The following ATL2 variants were observed in gnomAD, a reference collection of about 807,000 sequenced individuals.
ATL2 encodes the protein atlastin GTPase 2, also known as atlastin-2.
ATL2 carries 31 observed loss-of-function variants against 73.9 expected under a neutral mutation model. The ratio of observed to expected loss-of-function variants is 0.42; its 90% confidence interval spans 0.32 to 0.57. The LOEUF (loss-of-function observed/expected upper bound fraction) is 0.57, where lower values mean the gene tolerates loss of function less well. Among genes scored for constraint, ATL2 ranks in the 20% least tolerant of loss-of-function variants. The pLI, the probability that ATL2 is intolerant of heterozygous loss-of-function variation, is 0.14. For synonymous variants in ATL2, 291 were observed against 237.5 expected (o/e 1.23, Z -2.07); for missense variants, 738 against 702.6 (o/e 1.05, Z -0.57).
chr2:38,305,337 C>A (rs977159669), intron 9 of ATL2, among the ~76,000 whole-genome samples: 2 of 152,162 alleles, frequency 1.3e-5, no homozygotes, highest in Non-Finnish European at 2.9e-5. Flanking sequence ...CACTTGACGT[C>A]AGGAGTTTGA....
chr2:38,304,236 G>A (rs1667336109), intron 9 of ATL2, among the ~76,000 whole-genome samples: 1 of 152,174 alleles, frequency 6.6e-6, no homozygotes, highest in Non-Finnish European at 1.5e-5. Context: ...CAGGCCAGGA[G>A]AGAGTAGCAT....
intron 1 of ATL2, among the ~76,000 whole-genome samples, chr2:38,361,400 TAC>T (rs1236426928): frequency 1.4e-5 from 2 of 144,256 alleles, no homozygotes; most frequent in African/African-American, 2.6e-5. Context: ...AGCTACAAAA[TAC>T]AGTCTGAACC....
In ATL2 at chr2:38,377,227, G is replaced by C. The variant is rs1210719691; in HGVS notation, c.34C>G (p.Gln12Glu). 1.9e-6 allele frequency: 3 copies of C among 1,603,904 alleles called. No homozygotes were observed. Among genetic ancestry groups the C allele is most frequent in the South Asian group, 1.1e-5 (1 of 89,590 alleles). Residue 12 changes from glutamine to glutamate, a missense_variant, in exon 1 of 13, where the codon CAA becomes GAA. Physicochemically the swap from Gln to Glu is conservative, Grantham distance 29. Transcript: ENST00000378954. ...CGGCGCCACAGCCCCTGGTGCGGTT[G>C]CTGCCCTCGCGCTGCCTCGTCCCCC... ...AEGDEAARGQ[Q>E]PHQGLWRRRR...
intron 2 of ATL2, among the ~76,000 whole-genome samples, chr2:38,327,621 T>G (rs1481995080): frequency 6.6e-6 from 1 of 150,420 alleles, no homozygotes; most frequent in Non-Finnish European, 1.5e-5. Context: ...ACTTTAGATG[T>G]GAATGACCTA....
intron 2 of ATL2, among the ~76,000 whole-genome samples, chr2:38,322,955 ATAATTTC>A (rs1192920203): frequency 6.6e-6 from 1 of 152,244 alleles, no homozygotes; most frequent in Admixed American, 6.5e-5. Flanking sequence ...GTAAAAGTGT[ATAATTTC>A]TCTAACATAG....
chr2:38,349,790 G>C (rs1450765193), intron 1 of ATL2, among the ~76,000 whole-genome samples: 1 of 152,062 alleles, frequency 6.6e-6, no homozygotes, highest in African/African-American at 2.4e-5. Flanking sequence ...TATTAGCACA[G>C]ACAAAGACAG....
chr2:38,335,089 T>A (rs1361681855), intron 2 of ATL2, among the ~76,000 whole-genome samples: 1 of 151,196 alleles, frequency 6.6e-6, no homozygotes, highest in Non-Finnish European at 1.5e-5. Context: ...TTAAAAAGAT[T>A]GACAATACAG....
chr2:38,367,270 C>G (rs1299944384), intron 1 of ATL2, among the ~76,000 whole-genome samples: 3 of 151,738 alleles, frequency 2.0e-5, no homozygotes, highest in East Asian at 1.9e-4. Context: ...GCCCACTCTC[C>G]GACAATAAAA....
chr2:38,329,423 C>CAAAAAAAAAAAAAAAAAAAAAAA (rs70954711), intron 2 of ATL2, among the ~76,000 whole-genome samples: 5 of 13,670 alleles, frequency 3.7e-4, no homozygotes, highest in African/African-American at 7.0e-4. Context: ...ACTCCATCTC[C>CAAAAAAAAAAAAAAAAAAAAAAA]AAAAAAAAAA....
rs943104627 is a variant in ATL2 at position 38,294,271 on chromosome 2, G to T, written c.*1723C>A. Among the ~76,000 whole-genome samples, 12 of 152,210 alleles carry T rather than the reference G, an allele frequency of 7.9e-5. No individual in the cohort carries two copies. The highest frequency in any genetic ancestry group is 2.9e-4 in the African/African-American group (12 of 41,458). ...TCGCTTAAAAAGCAAACTAAGGGCC[G>T]GGCGCGGTGGCTCACGCCTGTAATC... is the stretch of plus-strand genomic sequence containing the variant. On this transcript the variant is annotated 3_prime_UTR_variant, in exon 13 of 13. Coordinates refer to ENST00000378954, the MANE Select transcript of ATL2 (RefSeq NM_001135673.4).
At chr2:38,331,036 C>T (rs991817930) in intron 2 of ATL2, among the ~76,000 whole-genome samples, 3 of 152,180 alleles carry the variant, frequency 2.0e-5, no homozygotes, top group Admixed American at 6.6e-5. Context: ...GGCGTGGTGG[C>T]TCACGCCTGT....
chr2:38,356,257 C>T (rs867072807), intron 1 of ATL2, among the ~76,000 whole-genome samples: 17 of 151,772 alleles, frequency 1.1e-4, no homozygotes, highest in African/African-American at 3.9e-4. Flanking sequence ...TCACTCTCAT[C>T]GACCAGGCTG....
At chr2:38,313,268 G>T (rs1558398138) in intron 6 of ATL2, 25 bp from the exon 7 acceptor site, 2 of 1,525,672 alleles carry the variant, frequency 1.3e-6, no homozygotes, top group African/African-American at 1.4e-5. Flanking sequence ...AATAAAAATT[G>T]TTTATTTTAC....
chr2:38,313,800 A>G (rs1667883036), intron 6 of ATL2, among the ~76,000 whole-genome samples: 1 of 152,174 alleles, frequency 6.6e-6, no homozygotes, highest in Non-Finnish European at 1.5e-5. Flanking sequence ...TATATGCTAG[A>G]TACCAAGAGG....
At chr2:38,320,381 C>T (rs986615571) in intron 2 of ATL2, among the ~76,000 whole-genome samples, 4 of 151,810 alleles carry the variant, frequency 2.6e-5, no homozygotes, top group East Asian at 1.9e-4. Context: ...TAAAATATTC[C>T]GGGAGGTAAG....
chr2:38,377,619 A>G (rs991362421), upstream of ATL2, among the ~76,000 whole-genome samples: 1 of 151,936 alleles, frequency 6.6e-6, no homozygotes, highest in African/African-American at 2.4e-5. Flanking sequence ...CTGCAAACGC[A>G]GAAGGGAGCT....
intron 1 of ATL2, among the ~76,000 whole-genome samples, chr2:38,374,353 ACT>A (rs921105937): frequency 2.1e-5 from 3 of 144,802 alleles, no homozygotes; most frequent in Non-Finnish European, 4.4e-5. Context: ...AAAGTAAATA[ACT>A]CTCAAATTTT....
rs35089431 is a variant in ATL2 at position 38,363,370 on chromosome 2, T to TGG, written c.118+13771_118+13772dup. Reference sequence around the variant, plus strand: ...AAATACAAGTTGTTTATTAAAAAGGTGGGGGGGGGGGTTATTTATCATCTT... The same window carrying TGG: ...AAATACAAGTTGTTTATTAAAAAGGTGGGGGGGGGGGGGTTATTTATCATCTT... On this transcript the variant is annotated intron_variant, in intron 1 of 12. Transcript: ENST00000378954. 4.9e-3 allele frequency among the ~76,000 whole-genome samples: 596 copies of TGG among 120,456 alleles called. 4 individuals carry two copies. The highest frequency in any genetic ancestry group is 0.028 in the East Asian group (103 of 3,708). 79.0% of individuals were successfully genotyped at this position (120,456 alleles called of 152,430 possible).
chr2:38,314,564 C>A, intron 6 of ATL2, 44 bp downstream of exon 6: 2 of 1,432,290 alleles, frequency 1.4e-6, no homozygotes, highest in South Asian at 1.2e-5. Flanking sequence ...GGCTTCACAA[C>A]TTCTCATAGG....
Sources: allele counts gnomAD v4.1 joint callset (sites outside exome capture counted in the v4.1 genomes callset), GRCh38; gene constraint gnomAD v4.1.1; transcripts MANE v1.5; gene names NCBI Gene and HGNC (gene_info 2026-07-23, HGNC 2026-07-21).